Variants in NAPEPLD observed in about 807,000 individuals in gnomAD.
The protein encoded by NAPEPLD is N-acyl phosphatidylethanolamine phospholipase D, also known as N-acyl-phosphatidylethanolamine-hydrolyzing phospholipase D.
In NAPEPLD, 23 loss-of-function variants were observed where a neutral mutation model predicts 38.1. That is an observed-to-expected ratio of 0.60 (90% confidence interval 0.43 to 0.86). The LOEUF (loss-of-function observed/expected upper bound fraction) is 0.86, where lower values mean the gene tolerates loss of function less well. Among genes scored for constraint, NAPEPLD ranks in the 40% least tolerant of loss-of-function variants. The probability of loss-of-function intolerance (pLI) is 0.00; values close to 1 mark genes in which losing one functional copy is unlikely to be tolerated. For missense variants in NAPEPLD, 411 were observed against 476.8 expected (o/e 0.86, Z 1.28); for synonymous variants, 147 against 162.0 (o/e 0.91, Z 0.71).
intron 2 of NAPEPLD, among the ~76,000 whole-genome samples, chr7:103,120,695 ATTTTTCTTTTTTTT>A: frequency 3.0e-5 from 1 of 33,006 alleles, no homozygotes; most frequent in Non-Finnish European, 6.9e-5. Context: ...TGAATCTGAT[ATTTTTCTTTTTTTT>A]TTTTTTTTTT....
chr7:103,110,641 TG>T (rs756247168), intron 4 of NAPEPLD, among the ~76,000 whole-genome samples: 19 of 152,144 alleles, frequency 1.2e-4, no homozygotes, highest in Non-Finnish European at 1.9e-4. Context: ...GGGCAAAAAC[TG>T]GAAGCATTCC....
At chr7:103,124,054 C>A (rs1031317757) in intron 2 of NAPEPLD, among the ~76,000 whole-genome samples, 40 of 152,100 alleles carry the variant, frequency 2.6e-4, no homozygotes, top group African/African-American at 8.9e-4. Flanking sequence ...GTAATCCCAA[C>A]ACTTCAGGAG....
At chr7:103,112,691 G>A (rs921043522) in intron 4 of NAPEPLD, among the ~76,000 whole-genome samples, 7 of 151,818 alleles carry the variant, frequency 4.6e-5, no homozygotes, top group African/African-American at 1.4e-4. Flanking sequence ...ACCATGGCAC[G>A]TGTATACCTA....
At chr7:103,143,928 C>T (rs1261991757) in intron 1 of NAPEPLD, among the ~76,000 whole-genome samples, 1 of 152,216 alleles carries the variant, frequency 6.6e-6, no homozygotes, top group East Asian at 1.9e-4. Context: ...AGCAATCCTC[C>T]TGCCTTGACC....
In NAPEPLD at chr7:103,103,432, A is replaced by G. The variant is rs1010853566; in HGVS notation, c.1179T>C (p.Phe393=). 1.9e-6 allele frequency: 3 copies of G among 1,556,086 alleles called. No individual in the cohort carries two copies. Among genetic ancestry groups the G allele is most frequent in the Non-Finnish European group, 2.6e-6 (3 of 1,161,170 alleles). ...SRYLNNDDEN[F] ...AAAGTGCCTGTGCTCACATTTATTAAAAGTTTTCATCATCATTATTTAGGT... is the reference window on the plus strand; with the variant it reads ...AAAGTGCCTGTGCTCACATTTATTAGAAGTTTTCATCATCATTATTTAGGT... Residue 393 remains phenylalanine, a synonymous_variant, in exon 5 of 5, where the codon TTT becomes TTC. Coordinates refer to ENST00000465647, the MANE Select transcript of NAPEPLD (RefSeq NM_001122838.3).
At chr7:103,139,213 G>A (rs1342407736) in intron 1 of NAPEPLD, among the ~76,000 whole-genome samples, 1 of 152,164 alleles carries the variant, frequency 6.6e-6, no homozygotes, top group Non-Finnish European at 1.5e-5. Flanking sequence ...TCTACTTAAA[G>A]CATTTTAAAA....
chr7:103,148,839 T>C lies in NAPEPLD; in HGVS notation c.-45A>G. 2 of 985,312 alleles carry C rather than the reference T, an allele frequency of 2.0e-6. No individual in the cohort carries two copies. The highest frequency in any genetic ancestry group is 2.4e-6 in the Non-Finnish European group (2 of 829,902). The allele number at this position is 985,312 out of a possible 1,614,324, so 61.0% of individuals were successfully genotyped here. On this transcript the variant is annotated 5_prime_UTR_variant, in exon 1 of 5. Transcript: ENST00000465647. ...TATTCCTATCAGTGAAGATGCAACC[T>C]GGTAATTTGCAGGGAAGATAGGATC...
At chr7:103,133,112 A>G (rs1288204938) in intron 1 of NAPEPLD, among the ~76,000 whole-genome samples, 1 of 152,244 alleles carries the variant, frequency 6.6e-6, no homozygotes, top group Non-Finnish European at 1.5e-5. Context: ...GGCAAAGGTC[A>G]GCATGATGGT....
At chr7:103,146,758 T>A (rs1812644538) in intron 1 of NAPEPLD, among the ~76,000 whole-genome samples, 1 of 152,150 alleles carries the variant, frequency 6.6e-6, no homozygotes, top group African/African-American at 2.4e-5. Flanking sequence ...CACTTTCGCT[T>A]CATTGGAACC....
At chr7:103,126,602 T>TG (rs2129529935) in intron 2 of NAPEPLD, among the ~76,000 whole-genome samples, 1 of 150,394 alleles carries the variant, frequency 6.6e-6, no homozygotes, top group South Asian at 2.1e-4. Flanking sequence ...GAATGCAATT[T>TG]TTTTTGTTTT....
rs1405263810 is a variant in NAPEPLD, at chr7:103,100,527, T to A, written c.*2902A>T. 1.3e-5 allele frequency: 2 copies of A among 152,256 alleles called. No homozygotes were observed. Among genetic ancestry groups the A allele is most frequent in the African/African-American group, 2.4e-5 (1 of 41,472 alleles). 9.4% of individuals were successfully genotyped at this position (152,256 alleles called of 1,614,324 possible). A position where few individuals can be genotyped will look rare whatever the true frequency, so the allele number is the denominator to read the frequency against. On this transcript the variant is annotated 3_prime_UTR_variant, in exon 5 of 5. Transcript: ENST00000465647. Reference sequence around the variant, plus strand: ...AGGTCACGGCATATGTTGGCTTTTATAATTTGGGATTTCTCCTAATTGATG... The same window carrying A: ...AGGTCACGGCATATGTTGGCTTTTAAAATTTGGGATTTCTCCTAATTGATG...
chr7:103,116,659 T>A (rs1017396685), intron 3 of NAPEPLD, among the ~76,000 whole-genome samples: 64 of 152,276 alleles, frequency 4.2e-4, no homozygotes, highest in African/African-American at 1.5e-3. Flanking sequence ...CAATGAGGTG[T>A]TTGGTTTGGC....
In NAPEPLD at chr7:103,101,804, A is replaced by G. The variant is rs978191560; in HGVS notation, c.*1625T>C. The stretch of plus-strand genomic sequence containing the variant: ...ACACATACAGGTGTGCAAATAAATT[A>G]TAGAGCACTGCCTGGGTAGCATTTG... On this transcript the variant is annotated 3_prime_UTR_variant, in exon 5 of 5. Transcript: ENST00000465647. The G allele has an allele frequency of 7.2e-5, 11 of 152,394 alleles. No homozygotes were observed. The highest frequency in any genetic ancestry group is 1.5e-4 in the Non-Finnish European group (10 of 68,040). The allele number at this position is 152,394 out of a possible 1,614,324, so 9.4% of individuals were successfully genotyped here. A position where few individuals can be genotyped will look rare whatever the true frequency, so the allele number is the denominator to read the frequency against.
intron 1 of NAPEPLD, among the ~76,000 whole-genome samples, chr7:103,136,933 A>ATTGT (rs1205009128): frequency 1.1e-4 from 16 of 152,204 alleles, no homozygotes; most frequent in South Asian, 1.0e-3. Flanking sequence ...GTCCAAATAA[A>ATTGT]TTGTTTGTTT....
rs78121259 is a variant in NAPEPLD, at chr7:103,135,220, T to G, written c.-16-6428A>C. 4.8e-3 allele frequency among the ~76,000 whole-genome samples: 728 copies of G among 152,332 alleles called. 5 individuals carry two copies. Among genetic ancestry groups the G allele is most frequent in the African/African-American group, 0.017 (688 of 41,572 alleles). On this transcript the variant is annotated intron_variant, in intron 1 of 4. Transcript: ENST00000465647. ...TCAGATATCTCTGACTAAATAACAT[T>G]AAACTTACTATTCTGTATTTGCTCT...
chr7:103,099,858 A>G lies in NAPEPLD; in HGVS notation c.*3571T>C, dbSNP rs1312622245. Reference sequence around the variant, plus strand: ...ATACAATGTATGAAAATTTATCTTTAATAGCATTTTCCATAAGCTACTATA... The same window carrying G: ...ATACAATGTATGAAAATTTATCTTTGATAGCATTTTCCATAAGCTACTATA... On this transcript the variant is annotated 3_prime_UTR_variant, in exon 5 of 5. Coordinates refer to ENST00000465647, the MANE Select transcript of NAPEPLD (RefSeq NM_001122838.3). The G allele has an allele frequency of 6.6e-6, 1 of 152,124 alleles. No homozygotes were observed. Among genetic ancestry groups the G allele is most frequent in the Non-Finnish European group, 1.5e-5 (1 of 68,026 alleles). 9.4% of individuals were successfully genotyped at this position (152,124 alleles called of 1,614,324 possible). A position where few individuals can be genotyped will look rare whatever the true frequency, so the allele number is the denominator to read the frequency against.
rs766673092 is a variant in NAPEPLD, at chr7:103,128,471, G to C, written c.294+12C>G. 1 of 1,612,430 alleles carries C rather than the reference G, an allele frequency of 6.2e-7. No homozygotes were observed. The highest frequency in any genetic ancestry group is 8.5e-7 in the Non-Finnish European group (1 of 1,179,564). Reference sequence around the variant, plus strand: ...GAGCAAATATAAAGCACTCAAAAAAGCCAAGCGCTACCTCTTTAGAACTTG... The same window carrying C: ...GAGCAAATATAAAGCACTCAAAAAACCCAAGCGCTACCTCTTTAGAACTTG... On this transcript the variant is annotated intron_variant, in intron 2 of 4. Coordinates refer to ENST00000465647, the MANE Select transcript of NAPEPLD (RefSeq NM_001122838.3).
intron 1 of NAPEPLD, among the ~76,000 whole-genome samples, chr7:103,143,747 C>A (rs914803280): frequency 6.6e-6 from 1 of 152,214 alleles, no homozygotes; most frequent in African/African-American, 2.4e-5. Flanking sequence ...TTTGAGCAAT[C>A]TTTCAAATCA....
chr7:103,107,622 G>A (rs1002791786), intron 4 of NAPEPLD, among the ~76,000 whole-genome samples: 25 of 151,932 alleles, frequency 1.6e-4, no homozygotes, highest in African/African-American at 6.0e-4. Flanking sequence ...ATCAATAGCC[G>A]AATCGATCAA....
Sources: allele counts gnomAD v4.1 joint callset (sites outside exome capture counted in the v4.1 genomes callset), GRCh38; gene constraint gnomAD v4.1.1; transcripts MANE v1.5; gene names NCBI Gene and HGNC (gene_info 2026-07-23, HGNC 2026-07-21).